Variants in RYR2 observed in about 807,000 individuals in gnomAD.
RYR2 encodes cardiac muscle ryanodine receptor-calcium release channel.
RYR2 carries 227 observed loss-of-function variants against 601.1 expected under a neutral mutation model. That is an observed-to-expected ratio of 0.38 (90% CI 0.34 to 0.42). The LOEUF (loss-of-function observed/expected upper bound fraction) is 0.42, where lower values mean the gene tolerates loss of function less well. RYR2 is among the 10% of genes least tolerant of loss of function. The probability of loss-of-function intolerance (pLI) is 1.00; values close to 1 mark genes in which losing one functional copy is unlikely to be tolerated. For synonymous variants in RYR2, 2,223 were observed against 2,175.1 expected (o/e 1.02, Z -0.61); for missense variants, 4,646 against 6,156.5 (o/e 0.75, Z 8.21).
intron 52 of RYR2, 131 bp from the exon 53 acceptor site, chr1:237,655,690 G>A (rs1186468467): frequency 3.9e-6 from 3 of 761,962 alleles, no homozygotes; most frequent in Non-Finnish European, 6.0e-6. Context: ...TCTGGAAAAA[G>A]AATGATCAGA....
At chr1:237,486,225 A>C (rs1371977569) in intron 17 of RYR2, among the ~76,000 whole-genome samples, 1 of 152,184 alleles carries the variant, frequency 6.6e-6, no homozygotes, top group Non-Finnish European at 1.5e-5. Flanking sequence ...AGTTGGGGGT[A>C]CTTAGAGACA....
chr1:237,735,707 T>G (rs1350310225), intron 79 of RYR2, among the ~76,000 whole-genome samples: 1 of 152,230 alleles, frequency 6.6e-6, no homozygotes, highest in Non-Finnish European at 1.5e-5. Flanking sequence ...AGTATTTGCA[T>G]GTAACCTACA....
intron 3 of RYR2, among the ~76,000 whole-genome samples, chr1:237,340,868 A>G (rs1335831423): frequency 6.6e-6 from 1 of 152,230 alleles, no homozygotes; most frequent in African/African-American, 2.4e-5. Context: ...AGCTAAAAAT[A>G]TTCACTGAGC....
intron 19 of RYR2, among the ~76,000 whole-genome samples, chr1:237,496,247 T>G (rs150817262): frequency 3.9e-5 from 6 of 152,106 alleles, no homozygotes; most frequent in Non-Finnish European, 8.8e-5. Flanking sequence ...CTACTAAAAA[T>G]AAAAAAGAAA....
At chr1:237,116,114 C>T (rs1309338457) in intron 1 of RYR2, among the ~76,000 whole-genome samples, 1 of 152,154 alleles carries the variant, frequency 6.6e-6, no homozygotes, top group African/African-American at 2.4e-5. Flanking sequence ...TTCTGAGTGG[C>T]TTTGCGAGCC....
At chr1:237,778,208 A>AT (rs893407473) in intron 87 of RYR2, among the ~76,000 whole-genome samples, 4 of 151,988 alleles carry the variant, frequency 2.6e-5, no homozygotes, top group African/African-American at 9.7e-5. Context: ...GTTGAAGAGG[A>AT]TTTTTTTTCT....
chr1:237,548,432 T>A lies in RYR2; in HGVS notation c.2908T>A (p.Tyr970Asn). 3 of 1,613,454 alleles carry A rather than the reference T, an allele frequency of 1.9e-6. No individual in the cohort carries two copies. The highest frequency in any genetic ancestry group is 2.5e-6 in the Non-Finnish European group (3 of 1,179,710). The change falls in exon 26 of 105, where the codon TAC (tyrosine) becomes AAC (asparagine). Residue 970 changes from tyrosine to asparagine, a missense_variant and splice_region_variant. Coordinates refer to ENST00000366574, the MANE Select transcript of RYR2 (RefSeq NM_001035.3). ...AATTTCTTTGTCTCTGATTTGTAGTTACCAGCTGACAAGTGGATACAAGCC... is the reference window on the plus strand; with the variant it reads ...AATTTCTTTGTCTCTGATTTGTAGTAACCAGCTGACAAGTGGATACAAGCC... ...KVKKMKLPKN[Y>N]QLTSGYKPAP...
At chr1:237,341,502 CT>C in intron 3 of RYR2, 2 of 355,832 alleles carry the variant, frequency 5.6e-6, no homozygotes, top group South Asian at 4.3e-5. Context: ...CACTGAACAC[CT>C]TCTGAAGACT....
At chr1:237,641,493 C>CTTTCTT (rs35192366) in intron 47 of RYR2, among the ~76,000 whole-genome samples, 12,899 of 141,986 alleles carry the variant, frequency 0.091, 739 homozygotes, top group East Asian at 0.15. Flanking sequence ...TTCTTTCTTT[C>CTTTCTT]TTTCTTTCTT....
chr1:237,209,481 T>C (rs1682318480), intron 1 of RYR2, among the ~76,000 whole-genome samples: 2 of 90,066 alleles, frequency 2.2e-5, no homozygotes. Context: ...TATGGTACAG[T>C]GTAAAATCTG....
chr1:237,750,674 G>T (rs1024765970), intron 80 of RYR2, among the ~76,000 whole-genome samples: 1 of 151,372 alleles, frequency 6.6e-6, no homozygotes, highest in African/African-American at 2.4e-5. Flanking sequence ...AAATTCAATA[G>T]CATTTTTTTC....
At chr1:237,429,864 C>T (rs1424708527) in intron 12 of RYR2, among the ~76,000 whole-genome samples, 2 of 152,074 alleles carry the variant, frequency 1.3e-5, no homozygotes, top group East Asian at 3.9e-4. Flanking sequence ...AAGTTAATTT[C>T]ATCTTTCTTT....
At chr1:237,555,880 T>C (rs543106664) in intron 27 of RYR2, among the ~76,000 whole-genome samples, 103 of 152,200 alleles carry the variant, frequency 6.8e-4, no homozygotes, top group Middle Eastern at 3.4e-3. Flanking sequence ...GAGTACAGTT[T>C]CCCCTGCACA....
chr1:237,255,234 C>T (rs184773593), intron 1 of RYR2, among the ~76,000 whole-genome samples: 15 of 152,218 alleles, frequency 9.9e-5, no homozygotes, highest in Admixed American at 5.9e-4. Context: ...ATGTATCTGT[C>T]GATGTTAATC....
At chr1:237,584,728 A>G (rs976668603) in intron 29 of RYR2, among the ~76,000 whole-genome samples, 2 of 137,106 alleles carry the variant, frequency 1.5e-5, no homozygotes, top group African/African-American at 5.5e-5. Flanking sequence ...TGGAGTGATC[A>G]TAGTTCATTG....
chr1:237,346,899 G>A (rs1217453771), intron 3 of RYR2, among the ~76,000 whole-genome samples: 7 of 152,134 alleles, frequency 4.6e-5, no homozygotes, highest in African/African-American at 1.4e-4. Flanking sequence ...TTAATGTCAT[G>A]TCTGTCTGTT....
chr1:237,471,164 CAAG>C (rs1427473651), intron 17 of RYR2: 1 of 154,356 alleles, frequency 6.5e-6, no homozygotes, highest in Non-Finnish European at 1.5e-5. Context: ...ACGTGGCTGG[CAAG>C]GAGACGGGAA....
At chr1:237,418,626 G>A (rs1369233239) in intron 11 of RYR2, among the ~76,000 whole-genome samples, 1 of 151,788 alleles carries the variant, frequency 6.6e-6, no homozygotes, top group East Asian at 1.9e-4. Flanking sequence ...GTAATGCTGT[G>A]GTTTAATACC....
chr1:237,352,859 G>C (rs138188794), intron 3 of RYR2: 1 of 515,292 alleles, frequency 1.9e-6, no homozygotes, highest in East Asian at 5.5e-5. Context: ...CATTTGGATA[G>C]GTATACAAGG....
Sources: gnomAD v4.1 joint callset for allele counts (sites outside exome capture counted in the v4.1 genomes callset) on GRCh38, gnomAD v4.1.1 for gene constraint, MANE v1.5 for transcripts, NCBI Gene and HGNC (gene_info 2026-07-23, HGNC 2026-07-21) for gene names.